Variants in ILDR1 observed in about 807,000 individuals in gnomAD.
ILDR1 encodes the protein immunoglobulin like domain containing receptor 1, also known as immunoglobulin-like domain-containing receptor 1.
In ILDR1, 56 loss-of-function variants were observed where a neutral mutation model predicts 62.4. The observed-to-expected ratio is 0.90, with a 90% CI of 0.72 to 1.12. The LOEUF is 1.12. ILDR1 is among the 50% of genes most tolerant of loss of function. ILDR1 has a pLI of 0.00. For missense variants in ILDR1, 736 were observed against 710.6 expected (o/e 1.04, Z -0.41); for synonymous variants, 284 against 277.8 (o/e 1.02, Z -0.22).
chr3:122,029,737 C>T, the ILDR1 span, among the ~76,000 whole-genome samples: 2 of 151,928 alleles, frequency 1.3e-5, no homozygotes, highest in African/African-American at 2.4e-5. Context: ...TTTTATGTAT[C>T]TTTGGCATAT....
chr3:122,044,539 T>C, the ILDR1 span, among the ~76,000 whole-genome samples: 1 of 150,668 alleles, frequency 6.6e-6, no homozygotes, highest in African/African-American at 2.5e-5. Context: ...TGTGAATCCA[T>C]CTGGTCCTGG....
At chr3:121,988,477 T>C in intron 7 of ILDR1, 69 bp from the exon 8 acceptor site, 2 of 1,244,576 alleles carry the variant, frequency 1.6e-6, no homozygotes, top group Non-Finnish European at 1.2e-6. Context: ...ATGTAACACA[T>C]AATGTGCTCT....
upstream of ILDR1, among the ~76,000 whole-genome samples, chr3:122,022,900 G>A (rs2071883327): frequency 6.7e-6 from 1 of 150,206 alleles, no homozygotes; most frequent in African/African-American, 2.5e-5. Flanking sequence ...GCGACAGAGC[G>A]AAACTCGGTC....
chr3:121,993,887 A>G lies in ILDR1; in HGVS notation c.862T>C (p.Tyr288His), dbSNP rs2071397226. The change falls in exon 7 of 8, where the codon TAT becomes CAT. Residue 288 changes from tyrosine (Y) to histidine (H), a missense_variant. Tyr to His is a moderately conservative substitution (Grantham distance 83). Coordinates refer to ENST00000344209, the MANE Select transcript of ILDR1 (RefSeq NM_001199799.2). ...AGGTTCCGCAGTTCTTTCTCCAAATACTCCAGGACACCATTGGCGATGGGA... is the reference window on the plus strand; with the variant it reads ...AGGTTCCGCAGTTCTTTCTCCAAATGCTCCAGGACACCATTGGCGATGGGA... Reference protein sequence around the residue: ...QPPIANGVLEYLEKELRNLNL... With the variant: ...QPPIANGVLEHLEKELRNLNL... 6.2e-7 allele frequency: 1 copy of G among 1,613,504 alleles called. No individual in the cohort carries two copies. The highest frequency in any genetic ancestry group is 2.2e-5 in the East Asian group (1 of 44,846).
At chr3:121,994,044 G>C (rs1010537064) in intron 6 of ILDR1, 74 bp from the exon 7 acceptor site, 16 of 1,520,570 alleles carry the variant, frequency 1.1e-5, no homozygotes, top group Non-Finnish European at 1.3e-5. Context: ...ACATCAAAAT[G>C]TGACATTGGT....
upstream of ILDR1, among the ~76,000 whole-genome samples, chr3:122,026,761 G>T (rs1315364806): frequency 1.3e-5 from 2 of 152,022 alleles, no homozygotes; most frequent in Non-Finnish European, 2.9e-5. Context: ...TAATGAAAGG[G>T]GTCTGGGAAC....
the ILDR1 span, among the ~76,000 whole-genome samples, chr3:122,040,738 A>AAAAAAAAAAAAAAG: frequency 6.1e-5 from 3 of 48,928 alleles, no homozygotes; most frequent in East Asian, 2.2e-4. Flanking sequence ...AAAAAAAAAG[A>AAAAAAAAAAAAAAG]AAAAAAAAAA....
At chr3:121,994,988 G>T (rs1191905227) in intron 5 of ILDR1, among the ~76,000 whole-genome samples, 2 of 152,072 alleles carry the variant, frequency 1.3e-5, no homozygotes, top group Admixed American at 6.5e-5. Context: ...TCTCAGGGGT[G>T]GGGTGGAAGC....
At chr3:122,000,559 T>C (rs1407767438) in intron 5 of ILDR1, among the ~76,000 whole-genome samples, 1 of 152,228 alleles carries the variant, frequency 6.6e-6, no homozygotes, top group East Asian at 1.9e-4. Flanking sequence ...TTCTTTGTAA[T>C]AAGTGGGTAA....
the ILDR1 span, among the ~76,000 whole-genome samples, chr3:122,041,097 T>C: frequency 0.033 from 5,087 of 152,200 alleles, 269 homozygotes; most frequent in African/African-American, 0.12. Context: ...TTAAAATGGG[T>C]CAAAAACCTT....
the ILDR1 span, among the ~76,000 whole-genome samples, chr3:122,042,237 G>C: frequency 1.3e-5 from 1 of 75,364 alleles, no homozygotes; most frequent in Non-Finnish European, 2.6e-5. Context: ...CCCTACAAAG[G>C]ACACGAACTC....
the ILDR1 span, among the ~76,000 whole-genome samples, chr3:122,049,726 G>C: frequency 6.6e-6 from 1 of 152,170 alleles, no homozygotes; most frequent in African/African-American, 2.4e-5. Context: ...CATTGTGGTG[G>C]TTTTAAGAGG....
intron 1 of ILDR1, among the ~76,000 whole-genome samples, chr3:122,021,070 C>A (rs965342773): frequency 6.6e-6 from 1 of 152,080 alleles, no homozygotes; most frequent in Non-Finnish European, 1.5e-5. Context: ...CTGTTCCCAA[C>A]CTAAAAATAC....
chr3:121,993,223 G>A lies in ILDR1; in HGVS notation c.1526C>T (p.Pro509Leu), dbSNP rs374884043. 4.3e-5 allele frequency: 70 copies of A among 1,614,000 alleles called. No homozygotes were observed. The highest frequency in any genetic ancestry group is 2.0e-4 in the East Asian group (9 of 44,874). Residue 509 changes from proline to leucine, a missense_variant, in exon 7 of 8, where the codon CCG becomes CTG. Pro to Leu is a moderately conservative substitution (Grantham distance 98). Coordinates refer to ENST00000344209, the MANE Select transcript of ILDR1 (RefSeq NM_001199799.2). ...GATATCAAGTGAGCGGTAGCTAGGC[G>A]GCTTCTCCTCGGGCCAGTGTGGGGA... The part of the protein sequence containing the change: ...SHSPHWPEEK[P>L]PSYRSLDITP...
At chr3:122,036,884 G>A in the ILDR1 span, among the ~76,000 whole-genome samples, 34 of 152,202 alleles carry the variant, frequency 2.2e-4, no homozygotes, top group Admixed American at 3.9e-4. Context: ...TCAGGATATG[G>A]CACCCTGCAT....
chr3:122,003,358 T>A (rs2071556618), intron 3 of ILDR1, among the ~76,000 whole-genome samples: 1 of 152,224 alleles, frequency 6.6e-6, no homozygotes, highest in South Asian at 2.1e-4. Flanking sequence ...ACAATTTTTT[T>A]CCTACCCGCT....
At chr3:122,009,881 A>T (rs971945984) in intron 1 of ILDR1, among the ~76,000 whole-genome samples, 27 of 152,230 alleles carry the variant, frequency 1.8e-4, no homozygotes, top group African/African-American at 6.0e-4. Flanking sequence ...CAGACAGCAG[A>T]ATGCTGCTCA....
At chr3:122,057,472 C>T in the ILDR1 span, among the ~76,000 whole-genome samples, 6 of 152,202 alleles carry the variant, frequency 3.9e-5, no homozygotes, top group East Asian at 1.2e-3. Flanking sequence ...AAATGCAGAA[C>T]GAACAGTGCT....
intron 1 of ILDR1, among the ~76,000 whole-genome samples, chr3:122,016,227 A>G (rs1329116150): frequency 6.6e-6 from 1 of 152,192 alleles, no homozygotes; most frequent in African/African-American, 2.4e-5. Flanking sequence ...TCATCCCTTC[A>G]GGGAGGGTCT....
Sources: gnomAD v4.1 joint callset for allele counts (sites outside exome capture counted in the v4.1 genomes callset) on GRCh38, gnomAD v4.1.1 for gene constraint, MANE v1.5 for transcripts, NCBI Gene and HGNC (gene_info 2026-07-23, HGNC 2026-07-21) for gene names.